SLCO1B3: variants seen among roughly 807,000 people sequenced by gnomAD.
SLCO1B3 encodes solute carrier organic anion transporter family member 1B3, also known as liver-specific organic anion transporter 2.
Under a neutral mutation model 71.8 loss-of-function variants are expected in SLCO1B3, and 72 were observed. That is an observed-to-expected ratio of 1.00 (90% CI 0.83 to 1.22). The LOEUF (loss-of-function observed/expected upper bound fraction) is 1.22. Among genes scored for constraint, SLCO1B3 ranks in the 50% most tolerant of loss-of-function variants. The pLI is 0.00. For synonymous variants in SLCO1B3, 298 were observed against 278.4 expected, an observed-to-expected ratio of 1.07 and a Z score of -0.70; for missense variants, 911 against 819.7, an observed-to-expected ratio of 1.11 and a Z score of -1.36.
At chr12:20,888,176 T>A (rs1251513163) in intron 13 of SLCO1B3, among the ~76,000 whole-genome samples, 1 of 152,032 alleles carries the variant, frequency 6.6e-6, no homozygotes, top group Non-Finnish European at 1.5e-5. Context: ...CAGCTTCATT[T>A]TTTTGCTTAG....
At position 20,861,080 on chromosome 12, in the gene SLCO1B3, CTGTT is replaced by C; in HGVS notation, c.425_428del (p.Cys142Ter). 2 of 1,603,730 alleles carry C rather than the reference CTGTT, an allele frequency of 1.2e-6. No individual in the cohort carries two copies. Among genetic ancestry groups the C allele is most frequent in the East Asian group, 4.5e-5 (2 of 44,496 alleles). Reference sequence around the variant, plus strand: ...AAAATTCAACATCAAGTTTATCAACCTGTTTAATTAATCAAACCTTATCATTCAA... The same window carrying C: ...AAAATTCAACATCAAGTTTATCAACCTAATTAATCAAACCTTATCATTCAA... On this transcript the variant is annotated frameshift_variant, in exon 6 of 16. Transcript: ENST00000381545. LOFTEE classifies it high-confidence loss of function.
chr12:20,878,046 CTTA>C (rs1308720010), intron 10 of SLCO1B3, 110 bp downstream of exon 10: 4 of 694,366 alleles, frequency 5.8e-6, no homozygotes, highest in Non-Finnish European at 9.1e-6. Flanking sequence ...TAAATGTAAT[CTTA>C]TTATGTCTCA....
chr12:20,887,806 T>C (rs143682287), intron 13 of SLCO1B3, among the ~76,000 whole-genome samples: 2 of 151,978 alleles, frequency 1.3e-5, no homozygotes, highest in African/African-American at 4.8e-5. Flanking sequence ...GCCTAGATCA[T>C]TGTCCAGAAA....
chr12:20,880,331 G>GT (rs1030850313), intron 11 of SLCO1B3, among the ~76,000 whole-genome samples: 4 of 151,528 alleles, frequency 2.6e-5, no homozygotes, highest in Admixed American at 6.6e-5. Context: ...CAGAGGTTTG[G>GT]TTTTAACTAC....
At chr12:20,866,318 G>A (rs2121265503) in intron 8 of SLCO1B3, among the ~76,000 whole-genome samples, 1 of 152,172 alleles carries the variant, frequency 6.6e-6, no homozygotes, top group East Asian at 1.9e-4. Context: ...CAGAAAAATG[G>A]ATCAACATGA....
intron 8 of SLCO1B3, among the ~76,000 whole-genome samples, chr12:20,874,251 G>A (rs1865533548): frequency 6.6e-6 from 1 of 152,120 alleles, no homozygotes; most frequent in South Asian, 2.1e-4. Context: ...GCTGTGTCAA[G>A]TGTTCACATG....
intron 3 of SLCO1B3, among the ~76,000 whole-genome samples, chr12:20,843,780 CAAAA>C (rs550396701): frequency 7.5e-6 from 1 of 132,826 alleles, no homozygotes. Context: ...GACTCTGTCT[CAAAA>C]AAAAAAAAAA....
At chr12:20,872,981 C>T (rs371120234) in intron 8 of SLCO1B3, among the ~76,000 whole-genome samples, 1 of 152,144 alleles carries the variant, frequency 6.6e-6, no homozygotes, top group Non-Finnish European at 1.5e-5. Context: ...CTAGAGTATG[C>T]AGGGTCTTAT....
At chr12:20,823,484 T>C (rs1864360691) in intron 3 of SLCO1B3, among the ~76,000 whole-genome samples, 1 of 152,142 alleles carries the variant, frequency 6.6e-6, no homozygotes, top group Admixed American at 6.6e-5. Context: ...AGAAGCATAA[T>C]TTTTCTCTCT....
At chr12:20,859,504 T>G (rs1865211632) in intron 5 of SLCO1B3, among the ~76,000 whole-genome samples, 1 of 142,108 alleles carries the variant, frequency 7.0e-6, no homozygotes, top group South Asian at 2.6e-4. Context: ...CCTCTACATT[T>G]GGCCCTTATA....
chr12:20,867,655 T>A (rs1028232257), intron 8 of SLCO1B3, among the ~76,000 whole-genome samples: 1 of 152,214 alleles, frequency 6.6e-6, no homozygotes, highest in African/African-American at 2.4e-5. Context: ...CAAGACTGTT[T>A]TGATGTATTT....
At chr12:20,852,532 T>C (rs560934028) in intron 3 of SLCO1B3, among the ~76,000 whole-genome samples, 1 of 152,270 alleles carries the variant, frequency 6.6e-6, no homozygotes, top group Admixed American at 6.5e-5. Flanking sequence ...GTAGATGAGT[T>C]TGGATAGTAT....
intron 12 of SLCO1B3, 93 bp downstream of exon 12, chr12:20,881,113 C>T (rs1865686184): frequency 2.2e-6 from 2 of 906,146 alleles, no homozygotes; most frequent in Non-Finnish European, 3.3e-6. Flanking sequence ...TAACTAAGGT[C>T]TCCAATAAAA....
chr12:20,910,193 C>T (rs7956502), intron 15 of SLCO1B3, among the ~76,000 whole-genome samples: 119,042 of 152,130 alleles, frequency 0.78, 51,200 homozygotes, highest in South Asian at 0.95. Context: ...TGTTCCAGCA[C>T]CATTTGTTGC....
At position 20,863,388 on chromosome 12, in the gene SLCO1B3, A is replaced by G. The variant is rs903038510; in HGVS notation, c.727+534A>G. Among the ~76,000 whole-genome samples the G allele has an allele frequency of 4.2e-4, 64 of 152,180 alleles. 1 individual carries two copies. Among genetic ancestry groups the G allele is most frequent in the Admixed American group, 2.6e-4 (4 of 15,264 alleles). On this transcript the variant is annotated intron_variant, in intron 8 of 15. Coordinates refer to ENST00000381545, the MANE Select transcript of SLCO1B3 (RefSeq NM_019844.4). ...AATGAATGAAGGAGAGGATGCATAA[A>G]TAAAATTTACGACTTTTGTCTTTAC...
intron 3 of SLCO1B3, among the ~76,000 whole-genome samples, chr12:20,830,422 A>T (rs1864515866): frequency 6.6e-6 from 1 of 152,198 alleles, no homozygotes; most frequent in African/African-American, 2.4e-5. Flanking sequence ...GGGTATGTTC[A>T]CAATTCTGAA....
chr12:20,874,782 A>G (rs1409645926), intron 8 of SLCO1B3, among the ~76,000 whole-genome samples: 1 of 152,150 alleles, frequency 6.6e-6, no homozygotes, highest in Non-Finnish European at 1.5e-5. Flanking sequence ...CTGTGGATGG[A>G]AGCTCCTTTA....
chr12:20,836,635 G>GT (rs1864685585), intron 3 of SLCO1B3, among the ~76,000 whole-genome samples: 2 of 151,840 alleles, frequency 1.3e-5, no homozygotes, highest in African/African-American at 4.8e-5. Context: ...CATTCTTTCT[G>GT]TTTTTTGTTT....
chr12:20,861,010 C>G lies in SLCO1B3; in HGVS notation c.360-7C>G, dbSNP rs551219238. 4 of 1,562,084 alleles carry G rather than the reference C, an allele frequency of 2.6e-6. No homozygotes were observed. The highest frequency in any genetic ancestry group is 2.7e-5 in the African/African-American group (2 of 73,084). ...GCAAAATGTTCAATTTCATGTTGCT[C>G]TTACAGTTATAGGTATTCTAAAGAA... is the stretch of plus-strand genomic sequence containing the variant. On this transcript the variant is annotated splice_polypyrimidine_tract_variant and splice_region_variant and intron_variant, in intron 5 of 15. Coordinates refer to ENST00000381545, the MANE Select transcript of SLCO1B3 (RefSeq NM_019844.4).
Sources: allele counts gnomAD v4.1 joint callset (sites outside exome capture counted in the v4.1 genomes callset), GRCh38; gene constraint gnomAD v4.1.1; transcripts MANE v1.5; gene names NCBI Gene and HGNC (gene_info 2026-07-23, HGNC 2026-07-21).